The following CNBD1 variants were observed in gnomAD, a reference collection of about 807,000 sequenced individuals.
The protein encoded by CNBD1 is cyclic nucleotide binding domain containing 1.
Under a neutral mutation model 54.4 loss-of-function variants are expected in CNBD1, and 71 were observed. The ratio of observed to expected loss-of-function variants is 1.30; its 90% CI spans 1.08 to 1.59. The LOEUF (loss-of-function observed/expected upper bound fraction) is 1.59, where lower values mean the gene tolerates loss of function less well. CNBD1 is among the 40% of genes most tolerant of loss of function. CNBD1 has a pLI of 0.00. For missense variants in CNBD1, 659 were observed against 518.0 expected, an observed-to-expected ratio of 1.27 and a Z score of -2.64; for synonymous variants, 182 against 170.7, an observed-to-expected ratio of 1.07 and a Z score of -0.51.
At chr8:87,077,412 C>CTTTTT (rs374931620) in intron 4 of CNBD1, among the ~76,000 whole-genome samples, 35 of 129,560 alleles carry the variant, frequency 2.7e-4, no homozygotes, top group African/African-American at 6.9e-4. Flanking sequence ...TCTTCTTCTT[C>CTTTTT]TTTTTTTTTT....
At chr8:87,041,233 A>G (rs1056129452) in intron 4 of CNBD1, among the ~76,000 whole-genome samples, 2 of 152,116 alleles carry the variant, frequency 1.3e-5, no homozygotes, top group African/African-American at 4.8e-5. Flanking sequence ...GGGGTAGGGG[A>G]GACATGTTTA....
intron 2 of CNBD1, among the ~76,000 whole-genome samples, chr8:87,395,002 C>T (rs1009781361): frequency 3.3e-5 from 5 of 151,846 alleles, no homozygotes; most frequent in Admixed American, 2.6e-4. Flanking sequence ...AACGTTGTAT[C>T]CCCACTTTGC....
intron 4 of CNBD1, among the ~76,000 whole-genome samples, chr8:86,984,403 G>T (rs760682832): frequency 6.6e-6 from 1 of 152,148 alleles, no homozygotes; most frequent in African/African-American, 2.4e-5. Context: ...CTACTGGGGC[G>T]CAATCTAGTG....
At chr8:86,938,122 A>G (rs933654842) in intron 3 of CNBD1, among the ~76,000 whole-genome samples, 7 of 152,184 alleles carry the variant, frequency 4.6e-5, no homozygotes, top group African/African-American at 1.7e-4. Context: ...ATAGATCTCT[A>G]GGGAAGATGC....
At chr8:87,344,708 C>G (rs1810134567) in intron 8 of CNBD1, among the ~76,000 whole-genome samples, 1 of 151,878 alleles carries the variant, frequency 6.6e-6, no homozygotes, top group African/African-American at 2.4e-5. Context: ...TTTCACATAA[C>G]AAAAAAATTA....
intron 4 of CNBD1, among the ~76,000 whole-genome samples, chr8:87,120,965 G>A (rs1811877634): frequency 6.6e-6 from 1 of 151,902 alleles, no homozygotes; most frequent in Admixed American, 6.6e-5. Context: ...GAAAGCACTT[G>A]TTATAAGATT....
At chr8:87,187,498 C>A (rs1813505919) in intron 4 of CNBD1, among the ~76,000 whole-genome samples, 3 of 141,886 alleles carry the variant, frequency 2.1e-5, no homozygotes, top group South Asian at 2.2e-4. Flanking sequence ...AGCATTTTGA[C>A]AGTAACTAAA....
At chr8:86,921,719 C>G (rs1364281561) in intron 3 of CNBD1, among the ~76,000 whole-genome samples, 1 of 152,188 alleles carries the variant, frequency 6.6e-6, no homozygotes, top group Non-Finnish European at 1.5e-5. Context: ...TTATCTCCCA[C>G]CAGGTCTCTC....
At chr8:87,357,170 A>C (rs1459863658) in intron 10 of CNBD1, among the ~76,000 whole-genome samples, 1 of 152,222 alleles carries the variant, frequency 6.6e-6, no homozygotes, top group African/African-American at 2.4e-5. Context: ...GGGGCCCCAC[A>C]GAGAGCCTCT....
downstream of CNBD1, among the ~76,000 whole-genome samples, chr8:87,386,155 G>T (rs960117724): frequency 4.6e-5 from 7 of 152,160 alleles, no homozygotes; most frequent in Non-Finnish European, 8.8e-5. Flanking sequence ...AAATCACAAA[G>T]TTGGGGAAAA....
chr8:87,047,031 GTTT>G (rs952880478), intron 4 of CNBD1, among the ~76,000 whole-genome samples: 3 of 152,102 alleles, frequency 2.0e-5, no homozygotes, highest in Non-Finnish European at 4.4e-5. Context: ...GCGTGGATGG[GTTT>G]TTTAAGTTTT....
intron 2 of CNBD1, chr8:87,428,468 A>G: frequency 6.2e-6 from 2 of 324,848 alleles, no homozygotes; most frequent in Non-Finnish European, 1.2e-5. Flanking sequence ...TATTGATAAA[A>G]ATAGGATTAG....
Position 87,297,153 on chromosome 8 carries a change from G to T in CNBD1, c.1042+10482G>T, listed in dbSNP as rs1181371552. ...AGATTGTGCCACTGCAGTCCAGCCTGGGTCCGTCTCAAAAAAAAAAAAAAA... is the reference window on the plus strand; with the variant it reads ...AGATTGTGCCACTGCAGTCCAGCCTTGGTCCGTCTCAAAAAAAAAAAAAAA... On this transcript the variant is annotated intron_variant, in intron 8 of 10. Coordinates refer to ENST00000518476, the MANE Select transcript of CNBD1 (RefSeq NM_173538.3). Among the ~76,000 whole-genome samples the T allele has an allele frequency of 4.4e-5, 6 of 136,158 alleles. No homozygotes were observed. In the Admixed American group the frequency reaches 4.6e-4, roughly 10 times the overall value. The allele number at this position is 136,158 out of a possible 152,430, so 89.3% of individuals were successfully genotyped here. A position where few individuals can be genotyped will look rare whatever the true frequency, so the allele number is the denominator to read the frequency against.
intron 8 of CNBD1, among the ~76,000 whole-genome samples, chr8:87,338,615 C>CT (rs1222982822): frequency 1.6e-5 from 2 of 126,460 alleles, no homozygotes; most frequent in African/African-American, 2.9e-5. Flanking sequence ...TTCATTTTTT[C>CT]TTTGTTTTTT....
intron 4 of CNBD1, among the ~76,000 whole-genome samples, chr8:86,940,126 A>C (rs1247464244): frequency 3.8e-5 from 2 of 52,760 alleles, no homozygotes; most frequent in Admixed American, 2.4e-4. Flanking sequence ...AACTTACCAC[A>C]TGTTACTTTT....
chr8:87,312,023 A>T (rs528946945), intron 8 of CNBD1, among the ~76,000 whole-genome samples: 63 of 152,168 alleles, frequency 4.1e-4, no homozygotes, highest in Non-Finnish European at 1.6e-4. Flanking sequence ...TGACAGGATC[A>T]ATTGTACCCC....
chr8:87,354,509 A>G (rs1168763882), intron 10 of CNBD1, among the ~76,000 whole-genome samples: 2 of 151,456 alleles, frequency 1.3e-5, no homozygotes, highest in Non-Finnish European at 2.9e-5. Flanking sequence ...GCACCCATTA[A>G]CTCGTCATTT....
chr8:87,397,980 G>A (rs1811439253), intron 2 of CNBD1, among the ~76,000 whole-genome samples: 1 of 151,790 alleles, frequency 6.6e-6, no homozygotes, highest in Non-Finnish European at 1.5e-5. Context: ...ATGATTATGA[G>A]GCCTCCCCAG....
At chr8:87,066,735 T>C (rs1260871087) in intron 4 of CNBD1, among the ~76,000 whole-genome samples, 2 of 151,916 alleles carry the variant, frequency 1.3e-5, no homozygotes, top group Non-Finnish European at 2.9e-5. Flanking sequence ...TCTGTAAAAA[T>C]TGCTTCAATT....
Sources: gnomAD v4.1 joint callset for allele counts (sites outside exome capture counted in the v4.1 genomes callset) on GRCh38, gnomAD v4.1.1 for gene constraint, MANE v1.5 for transcripts, NCBI Gene and HGNC (gene_info 2026-07-23, HGNC 2026-07-21) for gene names.